The following LOXL2 variants were observed in gnomAD, a reference collection of about 807,000 sequenced individuals.
The protein encoded by LOXL2 is lysyl oxidase homolog 2.
In LOXL2, 70 loss-of-function variants were observed where a neutral mutation model predicts 93.0. That is an observed-to-expected ratio of 0.75 (90% confidence interval 0.62 to 0.92). The LOEUF (loss-of-function observed/expected upper bound fraction) is 0.92, where lower values mean the gene tolerates loss of function less well. LOXL2 is among the 40% of genes least tolerant of loss of function. The pLI, the probability that LOXL2 is intolerant of heterozygous loss-of-function variation, is 0.00. For synonymous variants in LOXL2, 438 were observed against 413.2 expected, an observed-to-expected ratio of 1.06 and a Z score of -0.73; for missense variants, 973 against 1,054.9, an observed-to-expected ratio of 0.92 and a Z score of 1.08.
intron 1 of LOXL2, among the ~76,000 whole-genome samples, chr8:23,394,695 T>C (rs1800066264): frequency 2.6e-5 from 4 of 152,048 alleles, no homozygotes; most frequent in African/African-American, 7.2e-5. Flanking sequence ...AATTTGGTGA[T>C]TCCTCAAAAA....
rs1159877168 is a variant in LOXL2, at chr8:23,320,005, C to T, written c.1350G>A (p.Val450=). 4.3e-6 allele frequency: 7 copies of T among 1,614,014 alleles called. No individual in the cohort carries two copies. Among genetic ancestry groups the T allele is most frequent in the Non-Finnish European group, 5.9e-6 (7 of 1,179,986 alleles). The change falls in exon 8 of 14, where the codon GTG becomes GTA. Residue 450 remains valine, a synonymous_variant. Transcript: ENST00000389131. ...GRNPYEGRVE[V]LVERNGSLVW... ...CAAGGGACCCGTTTCTCTCCACCAG[C>T]ACCTCCACTCGGCCCTCGTAGGGAT...
chr8:23,378,139 T>G (rs1011184109), intron 1 of LOXL2, among the ~76,000 whole-genome samples: 1 of 152,202 alleles, frequency 6.6e-6, no homozygotes, highest in Admixed American at 6.5e-5. Context: ...GGCCTGGTGG[T>G]GACACAATCT....
At chr8:23,324,406 G>C (rs536937683) in intron 6 of LOXL2, among the ~76,000 whole-genome samples, 1 of 152,226 alleles carries the variant, frequency 6.6e-6, no homozygotes, top group South Asian at 2.1e-4. Flanking sequence ...AAGAGGCCCA[G>C]TGTGGCTCAC....
chr8:23,309,881 A>G lies in LOXL2; in HGVS notation c.1667T>C (p.Met556Thr). 1.3e-6 allele frequency: 2 copies of G among 1,551,362 alleles called. No homozygotes were observed. The highest frequency in any genetic ancestry group is 1.7e-6 in the Non-Finnish European group (2 of 1,144,506). The stretch of plus-strand genomic sequence containing the variant: ...CTCCAGGTAGGTGGTCTGCTGCACC[A>G]TCTCCGCATTGAGGACCAGGTCAGG... ...TAPDLVLNAE[M>T]VQQTTYLEDR... Residue 556 changes from methionine to threonine, a missense_variant, in exon 10 of 14, where the codon ATG becomes ACG. Transcript: ENST00000389131.
chr8:23,403,477 C>T (rs529722924), intron 1 of LOXL2, among the ~76,000 whole-genome samples: 8 of 152,294 alleles, frequency 5.3e-5, no homozygotes, highest in South Asian at 4.1e-4. Flanking sequence ...GCCCCCACTC[C>T]GTCCCAGCCC....
intron 10 of LOXL2, among the ~76,000 whole-genome samples, chr8:23,307,972 A>AAAAAAAAAAAAAC (rs1803257013): frequency 6.6e-6 from 1 of 151,042 alleles, no homozygotes; most frequent in Non-Finnish European, 1.5e-5. Context: ...AAAAAAAAAA[A>AAAAAAAAAAAAAC]AGCCAAAGAT....
intron 12 of LOXL2, among the ~76,000 whole-genome samples, chr8:23,300,560 G>A (rs1338062869): frequency 6.6e-6 from 1 of 152,230 alleles, no homozygotes; most frequent in African/African-American, 2.4e-5. Flanking sequence ...GGCACCTAAA[G>A]AAGCTCCATG....
chr8:23,333,656 G>A, intron 4 of LOXL2, 33 bp from the exon 5 acceptor site: 1 of 1,543,684 alleles, frequency 6.5e-7, no homozygotes, highest in South Asian at 1.1e-5. Context: ...GGGGACCAGG[G>A]CATCATGACG....
chr8:23,301,939 CCT>C, intron 12 of LOXL2, 86 bp downstream of exon 12: 2 of 1,527,390 alleles, frequency 1.3e-6, no homozygotes, highest in Non-Finnish European at 1.8e-6. Flanking sequence ...CTTCCATGCC[CCT>C]GTGTGGACAC....
At chr8:23,303,906 G>A (rs1803183941) in intron 10 of LOXL2, among the ~76,000 whole-genome samples, 1 of 152,226 alleles carries the variant, frequency 6.6e-6, no homozygotes, top group Admixed American at 6.5e-5. Flanking sequence ...AACAGGAATA[G>A]TAAGGAATAG....
intron 1 of LOXL2, among the ~76,000 whole-genome samples, chr8:23,392,470 C>G (rs560285328): frequency 6.6e-6 from 1 of 152,186 alleles, no homozygotes; most frequent in Non-Finnish European, 1.5e-5. Context: ...CTGAGGGAGA[C>G]AGACCTTGTC....
intron 4 of LOXL2, among the ~76,000 whole-genome samples, chr8:23,339,858 C>T (rs1186094197): frequency 6.6e-6 from 1 of 152,156 alleles, no homozygotes; most frequent in East Asian, 1.9e-4. Context: ...TGCACTGACC[C>T]ACCCATGTGA....
At position 23,368,312 on chromosome 8, in the gene LOXL2, C is replaced by A. The variant is rs1414117620; in HGVS notation, c.40G>T (p.Ala14Ser). ...PLCSHLCSCL[A>S]MLALLSPLSL... ...AGGGGGGACAGGAGGGCCAGCATAG[C>A]CAGGCAGCTGCAGAGGTGGGAGCAC... The change falls in exon 2 of 14, where the codon GCT (alanine) becomes TCT (serine). Residue 14 changes from alanine to serine, a missense_variant. Transcript: ENST00000389131. 6.2e-7 allele frequency: 1 copy of A among 1,613,086 alleles called. No individual in the cohort carries two copies. The highest frequency in any genetic ancestry group is 1.1e-5 in the South Asian group (1 of 91,086).
In LOXL2 at chr8:23,326,522, G is replaced by A. The variant is rs182716087; in HGVS notation, c.1150+1860C>T. Among the ~76,000 whole-genome samples the A allele has an allele frequency of 1.8e-3, 270 of 152,290 alleles. 3 individuals carry two copies. Among genetic ancestry groups the A allele is most frequent in the African/African-American group, 5.8e-3 (242 of 41,562 alleles). ...TAATCCCAGCACTTTGGGAGACCGA[G>A]GTGGGTGGATCACTTGAGGTCAGGA... On this transcript the variant is annotated intron_variant, in intron 6 of 13. Transcript: ENST00000389131.
intron 1 of LOXL2, among the ~76,000 whole-genome samples, chr8:23,369,775 G>C (rs1187865435): frequency 6.6e-6 from 1 of 152,122 alleles, no homozygotes; most frequent in Non-Finnish European, 1.5e-5. Flanking sequence ...GTGATGGAGG[G>C]TTCCTGTGAT....
At chr8:23,323,129 A>G (rs544624967) in intron 6 of LOXL2, among the ~76,000 whole-genome samples, 1 of 152,354 alleles carries the variant, frequency 6.6e-6, no homozygotes, top group Non-Finnish European at 1.5e-5. Context: ...CTCATAAATG[A>G]TGATGCTTCC....
At chr8:23,326,644 C>T (rs1803581299) in intron 6 of LOXL2, among the ~76,000 whole-genome samples, 1 of 152,120 alleles carries the variant, frequency 6.6e-6, no homozygotes, top group Admixed American at 6.6e-5. Flanking sequence ...ATCCAAGCTA[C>T]CTGGGAGGCT....
chr8:23,341,181 TC>T lies in LOXL2; in HGVS notation c.553del (p.Asp185ThrfsTer17). 2 of 1,613,324 alleles carry T rather than the reference TC, an allele frequency of 1.2e-6. No homozygotes were observed. The highest frequency in any genetic ancestry group is 1.1e-5 in the South Asian group (1 of 91,048). On this transcript the variant is annotated frameshift_variant, in exon 4 of 14. Coordinates refer to ENST00000389131, the MANE Select transcript of LOXL2 (RefSeq NM_002318.3). LOFTEE classifies it high-confidence loss of function. ...TGAGAGGATGGCTCGAATCCGAATG[TC>T]CTCCACCTGGATATTCAGGTTCTGG... Reference protein sequence around the residue: ...QIENLNIQVEDIRIRAILSTY... With the variant: ...QIENLNIQVEXIRIRAILSTY...
At chr8:23,363,710 G>C (rs931279651) in intron 2 of LOXL2, 1 of 152,156 alleles carries the variant, frequency 6.6e-6, no homozygotes, top group Non-Finnish European at 1.5e-5. Context: ...CTGCCCCAAA[G>C]AGCTGCTCTC....
Sources: allele counts gnomAD v4.1 joint callset (sites outside exome capture counted in the v4.1 genomes callset), GRCh38; gene constraint gnomAD v4.1.1; transcripts MANE v1.5; gene names NCBI Gene and HGNC (gene_info 2026-07-23, HGNC 2026-07-21).